Variants in COPS7B observed in about 807,000 individuals in gnomAD.
COPS7B encodes the protein COP9 signalosome complex subunit 7b.
Under a neutral mutation model 33.4 loss-of-function variants are expected in COPS7B, and 9 were observed. That is an observed-to-expected ratio of 0.27 (90% confidence interval 0.16 to 0.47). The LOEUF is 0.47. Ranked by LOEUF, COPS7B falls within the 20% of genes least tolerant of loss-of-function variation. COPS7B has a pLI of 0.99. For synonymous variants in COPS7B, 119 were observed against 126.3 expected (o/e 0.94, Z 0.39); for missense variants, 242 against 318.2 (o/e 0.76, Z 1.82).
chr2:231,781,858 T>C, upstream of COPS7B: 1 of 1,550,920 alleles, frequency 6.4e-7, no homozygotes, highest in South Asian at 1.2e-5. Flanking sequence ...TCTGTTTACA[T>C]GGAACTCAGA....
intron 2 of COPS7B, chr2:231,790,817 C>A (rs1185793965): frequency 6.6e-6 from 1 of 151,180 alleles, no homozygotes; most frequent in Non-Finnish European, 1.5e-5. Flanking sequence ...CGGCTCACTG[C>A]AAGCTCCGCT....
At chr2:231,782,006 C>T (rs1400318411), upstream of COPS7B, 24 of 885,314 alleles carry the variant, frequency 2.7e-5, no homozygotes, top group Non-Finnish European at 3.8e-5. Context: ...GGGTTTTTTG[C>T]TGTATTCCTG....
At position 231,788,551 on chromosome 2, in the gene COPS7B, A is replaced by T. The variant is rs1170904914; in HGVS notation, c.-16-4A>T. ...AATGACTGACACAATTTTCTTTTGG[A>T]CAGATTTCAAGGCCAGAGAATGGCA... is the stretch of plus-strand genomic sequence containing the variant. On this transcript the variant is annotated splice_polypyrimidine_tract_variant and splice_region_variant and intron_variant, in intron 1 of 6. Coordinates refer to ENST00000350033, the MANE Select transcript of COPS7B (RefSeq NM_022730.4). 14 of 1,611,904 alleles carry T rather than the reference A, an allele frequency of 8.7e-6. No homozygotes were observed. The highest frequency in any genetic ancestry group is 1.3e-5 in the African/African-American group (1 of 74,832).
At chr2:231,789,143 A>G (rs1296390497) in intron 2 of COPS7B, 3 of 174,724 alleles carry the variant, frequency 1.7e-5, no homozygotes, top group African/African-American at 7.2e-5. Context: ...TAAGATGGAC[A>G]TGAATAGGAG....
chr2:231,807,784 T>G lies in COPS7B; in HGVS notation c.*139T>G. Reference sequence around the variant, plus strand: ...CACCAGCGCCTCCCCACCCTGTTGGTACTGTTCCAGAAAAACTGTTACTCC... The same window carrying G: ...CACCAGCGCCTCCCCACCCTGTTGGGACTGTTCCAGAAAAACTGTTACTCC... On this transcript the variant is annotated 3_prime_UTR_variant, in exon 7 of 7. Transcript: ENST00000350033. 1 of 735,200 alleles carries G rather than the reference T, an allele frequency of 1.4e-6. No homozygotes were observed. The highest frequency in any genetic ancestry group is 2.1e-6 in the Non-Finnish European group (1 of 467,486). 45.5% of individuals were successfully genotyped at this position (735,200 alleles called of 1,614,324 possible).
At chr2:231,797,143 C>G (rs1015533385) in intron 5 of COPS7B, among the ~76,000 whole-genome samples, 2 of 152,182 alleles carry the variant, frequency 1.3e-5, no homozygotes, top group Admixed American at 6.6e-5. Context: ...ATGAAGCAGA[C>G]CCGGTGAGCT....
chr2:231,784,088 T>C (rs1019822952), upstream of COPS7B, among the ~76,000 whole-genome samples: 4 of 134,704 alleles, frequency 3.0e-5, no homozygotes, highest in African/African-American at 1.1e-4. Flanking sequence ...AGAGGGAGGG[T>C]GTAAGTTGTG....
At chr2:231,806,047 T>G (rs2049885760) in intron 6 of COPS7B, among the ~76,000 whole-genome samples, 1 of 151,944 alleles carries the variant, frequency 6.6e-6, no homozygotes, top group African/African-American at 2.4e-5. Flanking sequence ...AGGGCATGGC[T>G]TTTCCCCCTG....
intron 6 of COPS7B, chr2:231,800,996 TGAAAG>T (rs1175241830): frequency 1.2e-5 from 9 of 722,422 alleles, no homozygotes; most frequent in African/African-American, 1.1e-4. Flanking sequence ...GCTACTGACT[TGAAAG>T]GAAAAGAAAT....
intron 1 of COPS7B, among the ~76,000 whole-genome samples, chr2:231,787,036 G>T (rs1016528840): frequency 1.3e-5 from 2 of 152,038 alleles, no homozygotes; most frequent in Admixed American, 1.3e-4. Flanking sequence ...TCTTTGCAGA[G>T]ATCCCCATCT....
intron 6 of COPS7B, chr2:231,801,019 G>T: frequency 1.2e-6 from 1 of 804,842 alleles, no homozygotes. Context: ...AATCTACAAA[G>T]AATCAGGGTG....
chr2:231,808,682 G>C lies in COPS7B; in HGVS notation c.*1037G>C, dbSNP rs1050784776. 1 of 248,072 alleles carries C rather than the reference G, an allele frequency of 4.0e-6. No homozygotes were observed. The highest frequency in any genetic ancestry group is 7.3e-5 in the Admixed American group (1 of 13,720). 15.4% of individuals were successfully genotyped at this position (248,072 alleles called of 1,614,324 possible). A position where few individuals can be genotyped will look rare whatever the true frequency, so the allele number is the denominator to read the frequency against. On this transcript the variant is annotated 3_prime_UTR_variant, in exon 7 of 7. Coordinates refer to ENST00000350033, the MANE Select transcript of COPS7B (RefSeq NM_022730.4). ...GTTATATTTTAATTTTTTTTTTTTT[G>C]TACAGGTTCTGATTCTAATACATTT...
At chr2:231,792,135 AT>A in intron 3 of COPS7B, 1 of 498,856 alleles carries the variant, frequency 2.0e-6, no homozygotes, top group East Asian at 5.5e-5. Context: ...ATGTTTCAAC[AT>A]TTTAAATATT....
upstream of COPS7B, among the ~76,000 whole-genome samples, chr2:231,782,310 A>T (rs2049149686): frequency 6.6e-6 from 1 of 152,246 alleles, no homozygotes; most frequent in Admixed American, 6.5e-5. Flanking sequence ...AGAATTAGGT[A>T]GCATTTATTT....
chr2:231,802,828 A>G (rs907864172), intron 6 of COPS7B, among the ~76,000 whole-genome samples: 1 of 152,252 alleles, frequency 6.6e-6, no homozygotes, highest in Non-Finnish European at 1.5e-5. Flanking sequence ...TCAGTGCTTC[A>G]GAAGTCTCGT....
rs2049939216 is a variant in COPS7B, at chr2:231,807,777, C to G, written c.*132C>G. The G allele has an allele frequency of 1.3e-6, 1 of 748,666 alleles. No individual in the cohort carries two copies. The highest frequency in any genetic ancestry group is 1.8e-5 in the African/African-American group (1 of 56,048). 46.4% of individuals were successfully genotyped at this position (748,666 alleles called of 1,614,324 possible). ...GTCCCCTCACCAGCGCCTCCCCACC[C>G]TGTTGGTACTGTTCCAGAAAAACTG... On this transcript the variant is annotated 3_prime_UTR_variant, in exon 7 of 7. Transcript: ENST00000350033.
chr2:231,788,307 T>C (rs1160600771), intron 1 of COPS7B, among the ~76,000 whole-genome samples: 1 of 152,142 alleles, frequency 6.6e-6, no homozygotes, highest in African/African-American at 2.4e-5. Flanking sequence ...AGCTAATTTT[T>C]GTATTTTTAG....
intron 6 of COPS7B, among the ~76,000 whole-genome samples, chr2:231,804,821 T>G (rs910380917): frequency 2.0e-5 from 3 of 152,208 alleles, no homozygotes; most frequent in African/African-American, 7.2e-5. Flanking sequence ...ACACATTCCC[T>G]CAGGTAATGT....
intron 2 of COPS7B, chr2:231,791,120 G>A (rs2049404928): frequency 6.5e-6 from 1 of 154,626 alleles, no homozygotes; most frequent in Non-Finnish European, 1.5e-5. Context: ...GCAGAACAGT[G>A]GCTCTTTCGT....
Sources: gnomAD v4.1 joint callset for allele counts (sites outside exome capture counted in the v4.1 genomes callset) on GRCh38, gnomAD v4.1.1 for gene constraint, MANE v1.5 for transcripts, NCBI Gene and HGNC (gene_info 2026-07-23, HGNC 2026-07-21) for gene names.